Variants in ZNF746 observed in about 807,000 individuals in gnomAD.
ZNF746 encodes the protein zinc finger protein 746.
A neutral mutation model predicts 41.0 loss-of-function variants in ZNF746; 13 were observed. The observed-to-expected ratio is 0.32, with a 90% CI of 0.21 to 0.50. The LOEUF (loss-of-function observed/expected upper bound fraction) is 0.50, where lower values mean the gene tolerates loss of function less well. ZNF746 is among the 20% of genes least tolerant of loss of function. ZNF746 has a pLI of 0.98. For missense variants in ZNF746, 811 were observed against 922.9 expected (o/e 0.88, Z 1.57); for synonymous variants, 424 against 396.2 (o/e 1.07, Z -0.83).
In ZNF746 at chr7:149,492,944, G is replaced by A. The variant is rs554077182; in HGVS notation, c.480C>T (p.Leu160=). ...LDYAISKPEV[L]SQIEQGKEPC... is the part of the protein sequence containing the mutation. ...GCTCCTTCCCTTGTTCAATCTGGGA[G>A]AGGACCTCGGGCTTGGAGATGGCGT... Residue 160 remains leucine (L), a synonymous_variant, in exon 4 of 7, where the codon CTC becomes CTT. Coordinates refer to ENST00000458143, the MANE Select transcript of ZNF746 (RefSeq NM_001394198.1). 6.9e-5 allele frequency: 112 copies of A among 1,614,128 alleles called. No individual in the cohort carries two copies. The East Asian group carries it at 2.4e-3, about 35-fold the overall frequency.
At chr7:149,482,877 A>C (rs1800522937) in intron 4 of ZNF746, among the ~76,000 whole-genome samples, 1 of 152,236 alleles carries the variant, frequency 6.6e-6, no homozygotes, top group African/African-American at 2.4e-5. Flanking sequence ...ATTTTGATAT[A>C]TCTCTCTGTA....
rs1048365620 is a variant in ZNF746, at chr7:149,475,206, G to C, written c.1161C>G (p.Asp387Glu). 1.9e-5 allele frequency: 30 copies of C among 1,612,828 alleles called. No homozygotes were observed. Among genetic ancestry groups the C allele is most frequent in the Non-Finnish European group, 2.2e-5 (26 of 1,179,806 alleles). ...AVAQEETPPG[D>E]WLFGGVRWGW... ...CCCACCGGACCCCTCCGAAGAGCCAGTCCCCAGGAGGGGTCTCCTCCTGGG... is the reference window on the plus strand; with the variant it reads ...CCCACCGGACCCCTCCGAAGAGCCACTCCCCAGGAGGGGTCTCCTCCTGGG... Residue 387 changes from aspartate to glutamate, a missense_variant, in exon 7 of 7, where the codon GAC (aspartate) becomes GAG (glutamate). Physicochemically the swap from Asp to Glu is conservative, Grantham distance 45. This residue lies in a region of ZNF746 where 495 missense variants were observed against 481.6 expected (regional missense o/e 1.03). Transcript: ENST00000458143.
At chr7:149,480,447 G>T (rs12539443) in intron 4 of ZNF746, among the ~76,000 whole-genome samples, 64,566 of 151,794 alleles carry the variant, frequency 0.43, 14,532 homozygotes, top group East Asian at 0.7. Context: ...TTGTTTGTTT[G>T]TTTGAGATGG....
chr7:149,482,441 A>G (rs550099143), intron 4 of ZNF746, among the ~76,000 whole-genome samples: 1 of 151,920 alleles, frequency 6.6e-6, no homozygotes, highest in South Asian at 2.1e-4. Flanking sequence ...ATAGTAAACT[A>G]ACCAGGAAGA....
chr7:149,477,949 C>T (rs1329669045), intron 4 of ZNF746, 194 bp from the exon 5 acceptor site: 4 of 471,776 alleles, frequency 8.5e-6, no homozygotes, highest in Admixed American at 7.2e-5. Flanking sequence ...ATTGGGAATG[C>T]GGGTAGGGTA....
At chr7:149,486,838 T>C (rs1800639867) in intron 4 of ZNF746, among the ~76,000 whole-genome samples, 1 of 152,218 alleles carries the variant, frequency 6.6e-6, no homozygotes, top group South Asian at 2.1e-4. Context: ...GTGTTGGGAA[T>C]ATGGGGTTTA....
chr7:149,497,166 C>T lies in ZNF746; in HGVS notation c.24+347G>A, dbSNP rs1054359573. 6.1e-6 allele frequency: 6 copies of T among 985,172 alleles called. No individual in the cohort carries two copies. In the African/African-American group the frequency reaches 8.7e-5, roughly 14 times the overall value. The allele number at this position is 985,172 out of a possible 1,614,324, so 61.0% of individuals were successfully genotyped here. A position where few individuals can be genotyped will look rare whatever the true frequency, so the allele number is the denominator to read the frequency against. On this transcript the variant is annotated intron_variant, in intron 1 of 6. Coordinates refer to ENST00000458143, the MANE Select transcript of ZNF746 (RefSeq NM_001394198.1). This position sits in a 1 kb window ranked among gnomAD's most constrained non-coding sequence, Gnocchi z 4.2. ...GGGAGATGGAGAGGGACCTACAGGC[C>T]GAGCGCCAGGCAGAGAAAGGAGCCG...
In ZNF746 at chr7:149,472,890, T is replaced by C. The variant is rs1800146618; in HGVS notation, c.*1494A>G. On this transcript the variant is annotated 3_prime_UTR_variant, in exon 7 of 7. Transcript: ENST00000458143. ...TAGAAGTGTAAACAGGTACAAAATA[T>C]ACAGTACATAGAAACAATTTTCTTA... 6.6e-6 allele frequency: 1 copy of C among 152,584 alleles called. No individual in the cohort carries two copies. Among genetic ancestry groups the C allele is most frequent in the African/African-American group, 2.4e-5 (1 of 41,444 alleles). The allele number at this position is 152,584 out of a possible 1,614,324, so 9.5% of individuals were successfully genotyped here. A position where few individuals can be genotyped will look rare whatever the true frequency, so the allele number is the denominator to read the frequency against.
At chr7:149,480,725 C>T (rs556016250) in intron 4 of ZNF746, among the ~76,000 whole-genome samples, 12 of 152,240 alleles carry the variant, frequency 7.9e-5, no homozygotes, top group South Asian at 2.1e-4. Flanking sequence ...CGTGAGCTAC[C>T]GCGCCTGGCT....
At position 149,476,983 on chromosome 7, in the gene ZNF746, G is replaced by A. The variant is rs759556676; in HGVS notation, c.822C>T (p.His274=). 2 of 1,613,904 alleles carry A rather than the reference G, an allele frequency of 1.2e-6. No individual in the cohort carries two copies. The highest frequency in any genetic ancestry group is 1.3e-5 in the African/African-American group (1 of 74,924). Residue 274 remains histidine (H), a synonymous_variant, in exon 6 of 7, where the codon CAC becomes CAT. Transcript: ENST00000458143. ...CGTCCGAGCATGCTGAAGAGGGATG[G>A]TGGGGAGGGAGATCCGTTTGCCAGG... ...PTSWQTDLPP[H]HPSSACSDGT...
chr7:149,493,854 A>G (rs1360482693), intron 3 of ZNF746, 135 bp downstream of exon 3: 1 of 1,447,146 alleles, frequency 6.9e-7, no homozygotes, highest in Non-Finnish European at 9.4e-7. Context: ...CATCCTTCAC[A>G]AAAGGTAACA....
chr7:149,472,897 C>A lies in ZNF746; in HGVS notation c.*1487G>T, dbSNP rs1010418696. 1 of 152,514 alleles carries A rather than the reference C, an allele frequency of 6.6e-6. No homozygotes were observed. The highest frequency in any genetic ancestry group is 2.4e-5 in the African/African-American group (1 of 41,414). The allele number at this position is 152,514 out of a possible 1,614,324, so 9.4% of individuals were successfully genotyped here. ...GTAAACAGGTACAAAATATACAGTA[C>A]ATAGAAACAATTTTCTTAACTAGTC... On this transcript the variant is annotated 3_prime_UTR_variant, in exon 7 of 7. Transcript: ENST00000458143.
rs1405991551 is a variant in ZNF746 at position 149,474,146 on chromosome 7, T to G, written c.*238A>C. 1 of 543,104 alleles carries G rather than the reference T, an allele frequency of 1.8e-6. No homozygotes were observed. Among genetic ancestry groups the G allele is most frequent in the Non-Finnish European group, 3.2e-6 (1 of 309,770 alleles). 33.6% of individuals were successfully genotyped at this position (543,104 alleles called of 1,614,324 possible). On this transcript the variant is annotated 3_prime_UTR_variant, in exon 7 of 7. Transcript: ENST00000458143. This position sits in a 1 kb window ranked among gnomAD's most constrained non-coding sequence, Gnocchi z 6.3. ...ACAAAAAACAAAAAACAAAACAGGT[T>G]TGCAATTAAATTACTTAAAATTCTA...
chr7:149,490,796 A>T (rs1339894127), intron 4 of ZNF746: 2 of 152,842 alleles, frequency 1.3e-5, no homozygotes, highest in African/African-American at 4.8e-5. Context: ...TGTTGAGAAG[A>T]GAGGGAAGGT....
At chr7:149,479,103 A>G (rs1800409126) in intron 4 of ZNF746, among the ~76,000 whole-genome samples, 2 of 152,200 alleles carry the variant, frequency 1.3e-5, no homozygotes, top group South Asian at 4.1e-4. Context: ...GAGTAATGGC[A>G]ATAGGTAAAG....
intron 4 of ZNF746, chr7:149,491,946 G>A (rs1202763846): frequency 1.6e-5 from 11 of 702,514 alleles, no homozygotes; most frequent in Admixed American, 1.2e-4. Context: ...AATCTGAGAC[G>A]CTGATATCTG....
At chr7:149,487,823 G>C (rs1331509787) in intron 4 of ZNF746, 1 of 152,102 alleles carries the variant, frequency 6.6e-6, no homozygotes, top group Admixed American at 6.6e-5. Context: ...GTTGTCATGA[G>C]AGCAATTCTC....
chr7:149,474,132 AAAAC>A lies in ZNF746; in HGVS notation c.*248_*251del, dbSNP rs1563246429. On this transcript the variant is annotated 3_prime_UTR_variant, in exon 7 of 7. Transcript: ENST00000458143. This position sits in a 1 kb window ranked among gnomAD's most constrained non-coding sequence, Gnocchi z 6.3. Reference sequence around the variant, plus strand: ...AGAATTAAAAAAAAACAAAAAACAAAAAACAAAACAGGTTTGCAATTAAATTACT... The same window carrying A: ...AGAATTAAAAAAAAACAAAAAACAAAAAAACAGGTTTGCAATTAAATTACT... 7.5e-6 allele frequency: 4 copies of A among 530,720 alleles called. No individual in the cohort carries two copies. 32.9% of individuals were successfully genotyped at this position (530,720 alleles called of 1,614,324 possible). A position where few individuals can be genotyped will look rare whatever the true frequency, so the allele number is the denominator to read the frequency against.
At chr7:149,485,900 G>A (rs548284199) in intron 4 of ZNF746, among the ~76,000 whole-genome samples, 5 of 152,178 alleles carry the variant, frequency 3.3e-5, no homozygotes, top group East Asian at 1.9e-4. Context: ...TTAGCTGGGC[G>A]TGGTGGTGCA....
Sources: allele counts gnomAD v4.1 joint callset (sites outside exome capture counted in the v4.1 genomes callset), GRCh38; gene constraint gnomAD v4.1.1; regional missense constraint gnomAD v4.1.1; non-coding constraint Gnocchi (gnomAD v3.1); transcripts MANE v1.5; gene names NCBI Gene and HGNC (gene_info 2026-07-23, HGNC 2026-07-21).